PRSS21: variants seen among roughly 807,000 people sequenced by gnomAD.
PRSS21 encodes serine protease 21, also known as testisin.
PRSS21 carries 40 observed loss-of-function variants against 31.1 expected under a neutral mutation model. The ratio of observed to expected loss-of-function variants is 1.29; its 90% CI spans 1.00 to 1.68. The LOEUF (loss-of-function observed/expected upper bound fraction) is 1.68. PRSS21 is among the 40% of genes most tolerant of loss of function. The probability of loss-of-function intolerance (pLI) is 0.00; values close to 1 mark genes in which losing one functional copy is unlikely to be tolerated. For missense variants in PRSS21, 467 were observed against 412.6 expected (o/e 1.13, Z -1.14); for synonymous variants, 186 against 167.7 (o/e 1.11, Z -0.84).
intron 4 of PRSS21, 125 bp from the exon 5 acceptor site, chr16:2,820,830 G>T (rs1049492817): frequency 1.6e-5 from 15 of 960,160 alleles, no homozygotes; most frequent in Middle Eastern, 2.7e-4. Context: ...GGAGCTGGGG[G>T]TAATGGAGAT....
rs770861568 is a variant in PRSS21, at chr16:2,820,939, A to G, written c.551-16A>G. ...TCAGGTTGCTGTCTCTCTCCTTCCC[A>G]CTATCGTCCGCACAGCACTGCCATC... is the stretch of plus-strand genomic sequence containing the variant. On this transcript the variant is annotated splice_polypyrimidine_tract_variant and intron_variant, in intron 4 of 5. Coordinates refer to ENST00000005995, the MANE Select transcript of PRSS21 (RefSeq NM_006799.4). 17 of 1,611,564 alleles carry G rather than the reference A, an allele frequency of 1.1e-5. No individual in the cohort carries two copies. The Admixed American group carries it at 2.7e-4, about 25-fold the overall frequency.
intron 4 of PRSS21, among the ~76,000 whole-genome samples, chr16:2,819,960 C>T (rs536669521): frequency 2.0e-5 from 3 of 152,160 alleles, no homozygotes; most frequent in East Asian, 1.9e-4. Flanking sequence ...TGAGAAGGAC[C>T]CTTGCTGCAA....
chr16:2,821,272 C>G (rs1400256041), intron 5 of PRSS21, 94 bp from the exon 6 acceptor site: 2 of 1,544,908 alleles, frequency 1.3e-6, no homozygotes, highest in Non-Finnish European at 1.8e-6. Context: ...GATGTGCACC[C>G]AGTCTACCCA....
Position 2,821,548 on chromosome 16 carries a change from C to T in PRSS21, c.888C>T (p.Ser296=), listed in dbSNP as rs2069178094. Residue 296 remains serine (S), a synonymous_variant, in exon 6 of 6, where the codon TCC becomes TCT. Transcript: ENST00000005995. ...GTGGCATGTCCCAGCCAGACCCCTC[C>T]TGGCCGCTACTCTTTTTCCCTCTTC... is the stretch of plus-strand genomic sequence containing the variant. The part of the protein sequence containing the change: ...AQSGMSQPDP[S]WPLLFFPLLW... 6.2e-7 allele frequency: 1 copy of T among 1,614,222 alleles called. No individual in the cohort carries two copies. The highest frequency in any genetic ancestry group is 1.3e-5 in the African/African-American group (1 of 75,074).
rs201101297 is a variant in PRSS21, at chr16:2,820,924, G to C, written c.551-31G>C. 8 of 1,608,004 alleles carry C rather than the reference G, an allele frequency of 5.0e-6. No individual in the cohort carries two copies. The East Asian group carries it at 8.9e-5, about 18-fold the overall frequency. ...CTCCATAGAGGGGCCTCAGGTTGCT[G>C]TCTCTCTCCTTCCCACTATCGTCCG... is the stretch of plus-strand genomic sequence containing the variant. On this transcript the variant is annotated intron_variant, in intron 4 of 5. Coordinates refer to ENST00000005995, the MANE Select transcript of PRSS21 (RefSeq NM_006799.4).
chr16:2,818,103 G>C (rs2069111729), intron 3 of PRSS21, 137 bp downstream of exon 3: 2 of 1,155,246 alleles, frequency 1.7e-6, no homozygotes, highest in Non-Finnish European at 2.4e-6. Context: ...GTGTTCTCCT[G>C]AGCCCCAGGC....
At position 2,821,045 on chromosome 16, in the gene PRSS21, G is replaced by A. The variant is rs1327785991; in HGVS notation, c.641G>A (p.Arg214His). Residue 214 changes from arginine to histidine, a missense_variant, in exon 5 of 6, where the codon CGC (arginine) becomes CAC (histidine). Coordinates refer to ENST00000005995, the MANE Select transcript of PRSS21 (RefSeq NM_006799.4). ...CNHLFLKYSF[R>H]KDIFGDMVCA... is the part of the protein sequence containing the mutation. ...CACCTCTTCCTCAAGTACAGTTTCC[G>A]CAAGGACATCTTTGGAGACATGGTT... 17 of 1,614,024 alleles carry A rather than the reference G, an allele frequency of 1.1e-5. No homozygotes were observed. Among genetic ancestry groups the A allele is most frequent in the Admixed American group, 6.7e-5 (4 of 59,998 alleles).
chr16:2,818,060 T>G (rs1056157464), intron 3 of PRSS21, 94 bp downstream of exon 3: 1 of 1,429,148 alleles, frequency 7.0e-7, no homozygotes, highest in Non-Finnish European at 9.4e-7. Flanking sequence ...GATGCCAGAC[T>G]TGGGCGTGAA....
chr16:2,818,945 TG>T lies in PRSS21; in HGVS notation c.531del (p.Tyr178ThrfsTer22), dbSNP rs749702556. On this transcript the variant is annotated frameshift_variant, in exon 4 of 6. Coordinates refer to ENST00000005995, the MANE Select transcript of PRSS21 (RefSeq NM_006799.4). LOFTEE classifies it high-confidence loss of function. Reference protein sequence around the residue: ...ENRTDCWVTGWGYIKEDEALP... With the variant: ...ENRTDCWVTGXGYIKEDEALP... ...CCGGACAGACTGCTGGGTGACTGGC[TG>T]GGGGTACATCAAAGAGGATGAGGGT... is the stretch of plus-strand genomic sequence containing the variant. The T allele has an allele frequency of 1.5e-5, 24 of 1,614,004 alleles. No individual in the cohort carries two copies. The African/African-American group carries it at 2.9e-4, about 20-fold the overall frequency.
rs2069101507 is a variant in PRSS21 at position 2,817,760 on chromosome 16, G to T, written c.92-41G>T. 1.3e-6 allele frequency: 2 copies of T among 1,538,588 alleles called. No individual in the cohort carries two copies. Among genetic ancestry groups the T allele is most frequent in the Admixed American group, 2.0e-5 (1 of 50,730 alleles). On this transcript the variant is annotated intron_variant, in intron 2 of 5. Coordinates refer to ENST00000005995, the MANE Select transcript of PRSS21 (RefSeq NM_006799.4). This position sits in a 1 kb window ranked among gnomAD's most constrained non-coding sequence, Gnocchi z 4.2. ...AGAAAGGGAGAGGTCGGGCTTGGGG[G>T]GCTGCCTCCCGCGGCTCAGCAGTTC...
intron 4 of PRSS21, among the ~76,000 whole-genome samples, chr16:2,819,998 G>C (rs144147412): frequency 1.3e-5 from 2 of 152,114 alleles, no homozygotes; most frequent in African/African-American, 2.4e-5. Flanking sequence ...CCAGGGGCAC[G>C]GCCAGGCTGC....
chr16:2,821,363 C>T lies in PRSS21; in HGVS notation c.706-3C>T, dbSNP rs751557593. ...GGCTGACCTCAGCCCCGCTGCTCCC[C>T]AGGGTGACTCAGGTGGACCCTTGGC... On this transcript the variant is annotated splice_polypyrimidine_tract_variant and splice_region_variant and intron_variant, in intron 5 of 5. Transcript: ENST00000005995. The T allele has an allele frequency of 6.2e-7, 1 of 1,614,072 alleles. No individual in the cohort carries two copies. The highest frequency in any genetic ancestry group is 8.5e-7 in the Non-Finnish European group (1 of 1,179,950).
At chr16:2,818,389 CT>C (rs561386604) in intron 3 of PRSS21, among the ~76,000 whole-genome samples, 42 of 152,332 alleles carry the variant, frequency 2.8e-4, no homozygotes, top group Admixed American at 1.1e-3. Flanking sequence ...CGTGGTGCAT[CT>C]CCCCATTCCT....
chr16:2,821,242 G>A, intron 5 of PRSS21, 124 bp from the exon 6 acceptor site: 1 of 1,533,190 alleles, frequency 6.5e-7, no homozygotes. Flanking sequence ...AGGCTTGGCT[G>A]CTGCCAGGGG....
At position 2,817,356 on chromosome 16, in the gene PRSS21, G is replaced by A. The variant is rs777419263; in HGVS notation, c.64+24G>A. 3 of 1,572,672 alleles carry A rather than the reference G, an allele frequency of 1.9e-6. No homozygotes were observed. The highest frequency in any genetic ancestry group is 2.3e-5 in the East Asian group (1 of 43,178). ...GGGTGAGCTCGGGGCGCTGCTGGCGGGATGGGGAGGCGGGGGAGCGGTGGG... is the reference window on the plus strand; with the variant it reads ...GGGTGAGCTCGGGGCGCTGCTGGCGAGATGGGGAGGCGGGGGAGCGGTGGG... On this transcript the variant is annotated intron_variant, in intron 1 of 5. Coordinates refer to ENST00000005995, the MANE Select transcript of PRSS21 (RefSeq NM_006799.4). This position sits in a 1 kb window ranked among gnomAD's most constrained non-coding sequence, Gnocchi z 4.2.
chr16:2,821,216 G>A, intron 5 of PRSS21, 107 bp downstream of exon 5: 16 of 1,544,452 alleles, frequency 1.0e-5, no homozygotes. Context: ...GCCCCACTCT[G>A]CAGATGCAGA....
chr16:2,817,914 G>A lies in PRSS21; in HGVS notation c.205G>A (p.Val69Met), dbSNP rs573225680. The A allele has an allele frequency of 1.3e-6, 2 of 1,549,562 alleles. No individual in the cohort carries two copies. The highest frequency in any genetic ancestry group is 1.7e-6 in the Non-Finnish European group (2 of 1,146,900). ...CCTGTGGGATTCCCACGTATGCGGA[G>A]TGAGCCTGCTCAGCCACCGCTGGGC... ...LRLWDSHVCG[V>M]SLLSHRWALT... The change falls in exon 3 of 6, where the codon GTG (valine) becomes ATG (methionine). Residue 69 changes from valine (V) to methionine (M), a missense_variant. Val to Met is a conservative substitution (Grantham distance 21). Transcript: ENST00000005995. The surrounding 1 kb of genome is among the most constrained non-coding windows in gnomAD (Gnocchi z 4.2).
chr16:2,818,599 C>T (rs1314114098), intron 3 of PRSS21, 78 bp from the exon 4 acceptor site: 1 of 1,429,392 alleles, frequency 7.0e-7, no homozygotes, highest in Admixed American at 1.8e-5. Context: ...AGTTTCCCCT[C>T]CTGCACTGGA....
chr16:2,819,152 G>A (rs1248922329), intron 4 of PRSS21, among the ~76,000 whole-genome samples, 183 bp downstream of exon 4: 2 of 152,200 alleles, frequency 1.3e-5, no homozygotes, highest in African/African-American at 4.8e-5. Flanking sequence ...GGCTGTGGGG[G>A]CCAGAAGGAG....
Sources: gnomAD v4.1 joint callset for allele counts (sites outside exome capture counted in the v4.1 genomes callset) on GRCh38, gnomAD v4.1.1 for gene constraint, Gnocchi (gnomAD v3.1) non-coding constraint, MANE v1.5 for transcripts, NCBI Gene and HGNC (gene_info 2026-07-23, HGNC 2026-07-21) for gene names.